GRM1: variants seen among roughly 807,000 people sequenced by gnomAD.
GRM1 encodes the protein metabotropic glutamate receptor 1.
A neutral mutation model predicts 90.9 loss-of-function variants in GRM1; 33 were observed. That is an observed-to-expected ratio of 0.36 (90% CI 0.28 to 0.49). The LOEUF (loss-of-function observed/expected upper bound fraction) is 0.49. GRM1 is among the 20% of genes least tolerant of loss of function. The pLI is 0.99. For synonymous variants in GRM1, 700 were observed against 613.2 expected, an observed-to-expected ratio of 1.14 and a Z score of -2.09; for missense variants, 1,190 against 1,534.3, an observed-to-expected ratio of 0.78 and a Z score of 3.75.
chr6:146,174,258 A>G (rs1778252913), intron 2 of GRM1, among the ~76,000 whole-genome samples: 1 of 152,270 alleles, frequency 6.6e-6, no homozygotes, highest in East Asian at 1.9e-4. Flanking sequence ...AAAGGTAGAC[A>G]CAGCTTCAGG....
intron 1 of GRM1, among the ~76,000 whole-genome samples, chr6:146,114,519 T>G (rs1272734950): frequency 6.6e-6 from 1 of 152,064 alleles, no homozygotes; most frequent in Non-Finnish European, 1.5e-5. Flanking sequence ...AAATAAATAA[T>G]AGTTGTAGAA....
chr6:146,233,694 T>C (rs929366636), intron 2 of GRM1, among the ~76,000 whole-genome samples: 5 of 152,100 alleles, frequency 3.3e-5, no homozygotes, highest in African/African-American at 1.2e-4. Context: ...TTTAAAAATG[T>C]GTTAGGATTT....
chr6:146,167,272 G>A (rs2128893378), intron 2 of GRM1, among the ~76,000 whole-genome samples: 1 of 152,152 alleles, frequency 6.6e-6, no homozygotes, highest in Middle Eastern at 3.4e-3. Context: ...ATCTCAACTT[G>A]CTTATCCATT....
chr6:146,328,740 T>C (rs935204544), intron 3 of GRM1, among the ~76,000 whole-genome samples: 4 of 152,194 alleles, frequency 2.6e-5, no homozygotes, highest in Admixed American at 2.6e-4. Context: ...TCTGTTCTTT[T>C]GAATTCTTCA....
At chr6:146,090,407 A>G (rs1430353197) in intron 1 of GRM1, among the ~76,000 whole-genome samples, 1 of 152,170 alleles carries the variant, frequency 6.6e-6, no homozygotes, top group Non-Finnish European at 1.5e-5. Context: ...TGTGGACTGT[A>G]ACATAGCTGC....
intron 2 of GRM1, among the ~76,000 whole-genome samples, chr6:146,168,017 A>G (rs1001700474): frequency 3.9e-5 from 6 of 152,028 alleles, no homozygotes; most frequent in African/African-American, 1.4e-4. Context: ...TATTAGATAT[A>G]TGACTCATTT....
intron 3 of GRM1, among the ~76,000 whole-genome samples, chr6:146,320,228 G>GT (rs1273671256): frequency 6.6e-6 from 1 of 152,116 alleles, no homozygotes; most frequent in African/African-American, 2.4e-5. Flanking sequence ...TAATCATGTG[G>GT]TTTTTGCCAT....
intron 1 of GRM1, among the ~76,000 whole-genome samples, chr6:146,064,034 T>G (rs945409797): frequency 6.6e-6 from 1 of 152,198 alleles, no homozygotes; most frequent in Non-Finnish European, 1.5e-5. Flanking sequence ...TAAACTTACA[T>G]GCAAATTAAC....
chr6:146,170,681 T>A (rs1317999755), intron 2 of GRM1, among the ~76,000 whole-genome samples: 1 of 152,036 alleles, frequency 6.6e-6, no homozygotes, highest in African/African-American at 2.4e-5. Flanking sequence ...ATTATATCCT[T>A]TTTTTTACTT....
At chr6:146,403,990 C>T (rs1046692211) in intron 7 of GRM1, among the ~76,000 whole-genome samples, 8 of 152,040 alleles carry the variant, frequency 5.3e-5, no homozygotes, top group Admixed American at 2.6e-4. Flanking sequence ...CTTCTAACTA[C>T]TTGAACTATT....
chr6:146,387,105 C>A (rs948842486), intron 6 of GRM1, 89 bp downstream of exon 6: 6 of 1,218,544 alleles, frequency 4.9e-6, no homozygotes, highest in Non-Finnish European at 7.3e-6. Context: ...TAGCTCATGT[C>A]TTCTCAATGT....
chr6:146,145,862 G>A (rs528534322), intron 1 of GRM1, among the ~76,000 whole-genome samples: 1 of 152,184 alleles, frequency 6.6e-6, no homozygotes, highest in South Asian at 2.1e-4. Context: ...GGACAGCTAG[G>A]TGTACTGAGC....
chr6:146,351,560 T>C (rs961983055), intron 3 of GRM1, among the ~76,000 whole-genome samples: 3 of 152,168 alleles, frequency 2.0e-5, no homozygotes, highest in African/African-American at 7.2e-5. Context: ...ACCTGTGACA[T>C]AGGTAGAAAT....
chr6:146,399,687 C>T lies in GRM1; in HGVS notation c.2648C>T (p.Ala883Val), dbSNP rs1777083471. 1 of 1,608,590 alleles carries T rather than the reference C, an allele frequency of 6.2e-7. No homozygotes were observed. The highest frequency in any genetic ancestry group is 1.3e-5 in the African/African-American group (1 of 74,880). ...ATCTTCCGAAGAAAGAAGGCAGGGG[C>T]AGGGAATGCCAAGTGAGTTATCTGA... is the stretch of plus-strand genomic sequence containing the variant. ...LNIFRRKKAGAGNANSNGKSV... is the reference protein window; with the variant it reads ...LNIFRRKKAGVGNANSNGKSV... Residue 883 changes from alanine (A) to valine (V), a missense_variant, in exon 7 of 8, where the codon GCA (alanine) becomes GTA (valine). Around this residue, in one of 10 missense-constraint regions of GRM1, gnomAD observed 400 missense variants for 360.8 expected, o/e 1.11. Coordinates refer to ENST00000282753, the MANE Select transcript of GRM1 (RefSeq NM_001278064.2). This position sits in a 1 kb window ranked among gnomAD's most constrained non-coding sequence, Gnocchi z 5.4.
intron 2 of GRM1, among the ~76,000 whole-genome samples, chr6:146,177,567 T>C (rs556546192): frequency 2.0e-5 from 3 of 152,270 alleles, no homozygotes; most frequent in African/African-American, 4.8e-5. Flanking sequence ...TTGCAACTTT[T>C]TGAAGCTGGA....
intron 1 of GRM1, among the ~76,000 whole-genome samples, chr6:146,107,800 G>C (rs1775377869): frequency 6.6e-6 from 1 of 152,130 alleles, no homozygotes; most frequent in Non-Finnish European, 1.5e-5. Context: ...GATTATCTGA[G>C]AGGCCACTTC....
intron 1 of GRM1, among the ~76,000 whole-genome samples, chr6:146,079,109 C>T (rs1776281118): frequency 6.6e-6 from 1 of 152,316 alleles, no homozygotes; most frequent in Admixed American, 6.5e-5. Flanking sequence ...TGAGGCATCA[C>T]CCTGTCTTCC....
intron 2 of GRM1, among the ~76,000 whole-genome samples, chr6:146,281,131 T>G (rs1782551182): frequency 6.6e-6 from 1 of 152,212 alleles, no homozygotes; most frequent in Non-Finnish European, 1.5e-5. Flanking sequence ...AATTATTTTC[T>G]CATTAGCACT....
chr6:146,285,361 A>G (rs1288436316), intron 2 of GRM1, among the ~76,000 whole-genome samples: 1 of 152,114 alleles, frequency 6.6e-6, no homozygotes, highest in Non-Finnish European at 1.5e-5. Flanking sequence ...GCTGAGTGTA[A>G]CTCCAAACAA....
Sources: allele counts gnomAD v4.1 joint callset (sites outside exome capture counted in the v4.1 genomes callset), GRCh38; gene constraint gnomAD v4.1.1; regional missense constraint gnomAD v4.1.1; non-coding constraint Gnocchi (gnomAD v3.1); transcripts MANE v1.5; gene names NCBI Gene and HGNC (gene_info 2026-07-23, HGNC 2026-07-21).